The following FOCAD variants were observed in gnomAD, a reference collection of about 807,000 sequenced individuals.
The protein encoded by FOCAD is KIAA1797.
FOCAD carries 198 observed loss-of-function variants against 225.6 expected under a neutral mutation model. That is an observed-to-expected ratio of 0.88 (90% CI 0.78 to 0.99). FOCAD has a LOEUF of 0.99. FOCAD is among the 50% of genes least tolerant of loss of function. The probability of loss-of-function intolerance (pLI) is 0.00; values close to 1 mark genes in which losing one functional copy is unlikely to be tolerated. For missense variants in FOCAD, 2,713 were observed against 2,123.6 expected (o/e 1.28, Z -5.46); for synonymous variants, 897 against 755.0 (o/e 1.19, Z -3.08).
At chr9:20,758,262 T>C in intron 6 of FOCAD, 71 bp downstream of exon 6, 1 of 992,040 alleles carries the variant, frequency 1.0e-6, no homozygotes, top group East Asian at 2.9e-5. Flanking sequence ...AGAGCTAGGG[T>C]TTTTTTTTGT....
chr9:20,696,778 C>G (rs1158210375), intron 1 of FOCAD, among the ~76,000 whole-genome samples: 1 of 152,030 alleles, frequency 6.6e-6, no homozygotes, highest in East Asian at 1.9e-4. Flanking sequence ...GCACTCCAGC[C>G]TGGGTGACAG....
At chr9:20,962,030 CAATGCTGT>C (rs1315272129) in intron 35 of FOCAD, among the ~76,000 whole-genome samples, 1 of 152,102 alleles carries the variant, frequency 6.6e-6, no homozygotes, top group African/African-American at 2.4e-5. Flanking sequence ...CACTAATAGG[CAATGCTGT>C]AATTCTCTCT....
chr9:20,925,741 T>G (rs1336102909), intron 25 of FOCAD, among the ~76,000 whole-genome samples: 2 of 152,212 alleles, frequency 1.3e-5, no homozygotes, highest in Non-Finnish European at 2.9e-5. Flanking sequence ...TGTTTTTGTG[T>G]TCTCTTCCTC....
intron 19 of FOCAD, among the ~76,000 whole-genome samples, chr9:20,879,690 G>A (rs1235353782): frequency 1.3e-5 from 2 of 152,132 alleles, no homozygotes; most frequent in African/African-American, 4.8e-5. Context: ...ATTGGGGAAA[G>A]CTCAAAAGCA....
intron 15 of FOCAD, among the ~76,000 whole-genome samples, chr9:20,860,115 GT>G (rs1828626492): frequency 1.3e-5 from 2 of 152,060 alleles, no homozygotes; most frequent in East Asian, 3.8e-4. Flanking sequence ...ATTATTTCGT[GT>G]TTTTTCACCC....
chr9:20,995,846 T>A lies in FOCAD; in HGVS notation c.*217T>A, dbSNP rs1426018859. 3.1e-6 allele frequency: 1 copy of A among 317,948 alleles called. No individual in the cohort carries two copies. Among genetic ancestry groups the A allele is most frequent in the African/African-American group, 2.2e-5 (1 of 46,412 alleles). The allele number at this position is 317,948 out of a possible 1,614,324, so 19.7% of individuals were successfully genotyped here. ...GGCCAGTTGAGACTGAAACAGGAAC[T>A]TGGATTTTCTTTATTTGGCTTGAGT... On this transcript the variant is annotated 3_prime_UTR_variant, in exon 44 of 44. Transcript: ENST00000338382.
intron 10 of FOCAD, chr9:20,786,958 T>C (rs1341227275): frequency 6.3e-6 from 3 of 474,356 alleles, no homozygotes; most frequent in African/African-American, 2.0e-5. Flanking sequence ...CCTCAGGCTA[T>C]GGGGCCAGGA....
At position 20,862,726 on chromosome 9, in the gene FOCAD, G is replaced by A; in HGVS notation, c.2055+14G>A. On this transcript the variant is annotated intron_variant, in intron 16 of 43. Transcript: ENST00000338382. ...ACTGAATATGAGGTATGCATTTGGAGCTCAGCACATTGCCTGCTTCTTCAT... is the reference window on the plus strand; with the variant it reads ...ACTGAATATGAGGTATGCATTTGGAACTCAGCACATTGCCTGCTTCTTCAT... 6.2e-7 allele frequency: 1 copy of A among 1,604,406 alleles called. No individual in the cohort carries two copies. Among genetic ancestry groups the A allele is most frequent in the African/African-American group, 1.3e-5 (1 of 74,614 alleles).
chr9:20,762,708 G>A (rs1829716644), intron 6 of FOCAD, among the ~76,000 whole-genome samples: 1 of 152,122 alleles, frequency 6.6e-6, no homozygotes, highest in South Asian at 2.1e-4. Flanking sequence ...GGGTGTATGT[G>A]CAGATCTGTT....
At chr9:20,940,283 CT>C (rs567390382) in intron 28 of FOCAD, among the ~76,000 whole-genome samples, 26,379 of 133,392 alleles carry the variant, frequency 0.2, 2,359 homozygotes, top group South Asian at 0.3. Flanking sequence ...GCAGTTCTCC[CT>C]TTTTTTTTTT....
At chr9:20,697,581 C>T (rs1048548241) in intron 1 of FOCAD, among the ~76,000 whole-genome samples, 1 of 152,230 alleles carries the variant, frequency 6.6e-6, no homozygotes, top group Non-Finnish European at 1.5e-5. Context: ...CACATTACTT[C>T]CTTCAGGTGT....
chr9:20,933,359 C>A (rs1221177651), intron 28 of FOCAD, among the ~76,000 whole-genome samples: 1 of 152,204 alleles, frequency 6.6e-6, no homozygotes, highest in African/African-American at 2.4e-5. Flanking sequence ...CCCACGCTTT[C>A]TCCCTGAATC....
chr9:20,824,872 T>C (rs970918287), intron 15 of FOCAD, among the ~76,000 whole-genome samples: 3 of 152,062 alleles, frequency 2.0e-5, no homozygotes, highest in African/African-American at 7.3e-5. Flanking sequence ...GTCTAGAAAG[T>C]AAATTATTTT....
At chr9:20,799,676 CT>C (rs1395667877) in intron 11 of FOCAD, among the ~76,000 whole-genome samples, 5 of 151,856 alleles carry the variant, frequency 3.3e-5, no homozygotes, top group Non-Finnish European at 5.9e-5. Context: ...CAACCCCTGC[CT>C]TTTTTTGTTT....
chr9:20,816,641 G>A (rs1383919651), intron 11 of FOCAD, among the ~76,000 whole-genome samples: 2 of 151,870 alleles, frequency 1.3e-5, no homozygotes, highest in Admixed American at 6.6e-5. Context: ...TTTTGAAATT[G>A]AATTAAAATA....
At chr9:20,788,617 A>G (rs1232360154) in intron 10 of FOCAD, among the ~76,000 whole-genome samples, 1 of 152,158 alleles carries the variant, frequency 6.6e-6, no homozygotes, top group African/African-American at 2.4e-5. Context: ...AGCACTATAC[A>G]TGATTTGAGT....
At chr9:20,892,595 C>T (rs1165298766) in intron 21 of FOCAD, among the ~76,000 whole-genome samples, 1 of 151,998 alleles carries the variant, frequency 6.6e-6, no homozygotes, top group African/African-American at 2.4e-5. Flanking sequence ...TGAACTGCTA[C>T]CGTCATGAGG....
At chr9:20,796,278 TG>T in intron 11 of FOCAD, among the ~76,000 whole-genome samples, 2 of 152,342 alleles carry the variant, frequency 1.3e-5, no homozygotes, top group African/African-American at 4.8e-5. Flanking sequence ...TAAACATACG[TG>T]TGCATGTGTC....
At chr9:20,667,615 A>G (rs1821933400) in intron 2 of FOCAD, among the ~76,000 whole-genome samples, 1 of 152,222 alleles carries the variant, frequency 6.6e-6, no homozygotes, top group South Asian at 2.1e-4. Context: ...ACAGAGAGGA[A>G]TTACCCAGGA....
Sources: allele counts gnomAD v4.1 joint callset (sites outside exome capture counted in the v4.1 genomes callset), GRCh38; gene constraint gnomAD v4.1.1; transcripts MANE v1.5; gene names NCBI Gene and HGNC (gene_info 2026-07-23, HGNC 2026-07-21).